Variants in MEI4 observed in about 807,000 individuals in gnomAD.
MEI4 encodes meiotic double-stranded break formation protein 4.
MEI4 carries 27 observed loss-of-function variants against 31.4 expected under a neutral mutation model. The ratio of observed to expected loss-of-function variants is 0.86; its 90% CI spans 0.63 to 1.19. MEI4 has a LOEUF of 1.19. Ranked by LOEUF, MEI4 falls within the 50% of genes most tolerant of loss-of-function variation. MEI4 has a pLI of 0.00. For synonymous variants in MEI4, 122 were observed against 145.4 expected, an observed-to-expected ratio of 0.84 and a Z score of 1.16; for missense variants, 329 against 398.9, an observed-to-expected ratio of 0.82 and a Z score of 1.49.
intron 4 of MEI4, among the ~76,000 whole-genome samples, chr6:77,903,140 C>A: frequency 6.6e-6 from 1 of 152,110 alleles, no homozygotes. Flanking sequence ...CTTTTATTTC[C>A]TTTTTTTCTT....
chr6:77,669,589 T>C (rs1768700579), intron 1 of MEI4, among the ~76,000 whole-genome samples: 1 of 150,678 alleles, frequency 6.6e-6, no homozygotes, highest in Non-Finnish European at 1.5e-5. Flanking sequence ...TCTTAACTGC[T>C]GAGTAAAAGA....
intron 1 of MEI4, among the ~76,000 whole-genome samples, chr6:77,665,840 G>GAAA (rs1248421705): frequency 9.8e-5 from 15 of 152,310 alleles, no homozygotes; most frequent in Admixed American, 2.6e-4. Flanking sequence ...AGAGTAAGAA[G>GAAA]AGGTCGCTTA....
At chr6:77,869,358 A>T (rs570185585) in intron 4 of MEI4, among the ~76,000 whole-genome samples, 1 of 152,276 alleles carries the variant, frequency 6.6e-6, no homozygotes, top group African/African-American at 2.4e-5. Context: ...GAATGTGATC[A>T]TATTTAGAAA....
chr6:77,653,067 TC>T lies in MEI4; in HGVS notation c.-39del, dbSNP rs1243831199. On this transcript the variant is annotated 5_prime_UTR_variant, in exon 1 of 5. Coordinates refer to ENST00000684080, the MANE Select transcript of MEI4 (RefSeq NM_001322247.2). ...GAGGCGTTCTCTTGCCCTGTTATCA[TC>T]TCATTTCTGCTTCTCTGTTTACTGG... is the stretch of plus-strand genomic sequence containing the variant. Among the ~76,000 whole-genome samples, 1 of 152,176 alleles carries T rather than the reference TC, an allele frequency of 6.6e-6. No individual in the cohort carries two copies. The highest frequency in any genetic ancestry group is 2.4e-5 in the African/African-American group (1 of 41,432).
At chr6:77,908,103 A>G (rs906255656) in intron 4 of MEI4, among the ~76,000 whole-genome samples, 1 of 150,422 alleles carries the variant, frequency 6.6e-6, no homozygotes, top group Non-Finnish European at 1.5e-5. Context: ...TAAGTTTCCT[A>G]TTCACTCTGA....
intron 2 of MEI4, among the ~76,000 whole-genome samples, chr6:77,749,571 A>C (rs562139100): frequency 1.3e-5 from 2 of 152,306 alleles, no homozygotes; most frequent in African/African-American, 4.8e-5. Flanking sequence ...ATTAGAGAAA[A>C]AAGAATGAAA....
chr6:77,686,347 G>A lies in MEI4; in HGVS notation c.-14-4311G>A, dbSNP rs79745440. ...ATGGTGAAGGGTTGCTTTTATTTTG[G>A]TCAGTAAGTCTGTCTTTTCTCTTCT... On this transcript the variant is annotated intron_variant, in intron 1 of 4. Coordinates refer to ENST00000684080, the MANE Select transcript of MEI4 (RefSeq NM_001322247.2). Among the ~76,000 whole-genome samples the A allele has an allele frequency of 6.1e-3, 922 of 152,106 alleles. 7 individuals are homozygous for A. Among genetic ancestry groups the A allele is most frequent in the African/African-American group, 0.02 (835 of 41,502 alleles).
chr6:77,666,811 C>T (rs996162495), intron 1 of MEI4, among the ~76,000 whole-genome samples: 6 of 151,974 alleles, frequency 3.9e-5, no homozygotes, highest in African/African-American at 1.2e-4. Flanking sequence ...GAAAACACAA[C>T]TCCTTTATCT....
chr6:77,784,516 GTCTATGAACATGAGAC>G (rs1407559222), intron 3 of MEI4, among the ~76,000 whole-genome samples: 1 of 152,114 alleles, frequency 6.6e-6, no homozygotes, highest in Admixed American at 6.6e-5. Context: ...TGCATTTCAA[GTCTATGAACATGAGAC>G]TTCATTCCTT....
At chr6:77,660,735 AG>A (rs899832235) in intron 1 of MEI4, among the ~76,000 whole-genome samples, 4 of 152,134 alleles carry the variant, frequency 2.6e-5, no homozygotes, top group African/African-American at 9.7e-5. Context: ...AACTTCCAGG[AG>A]GAAGAGGAGG....
At chr6:77,911,249 A>G (rs1005088781) in intron 4 of MEI4, among the ~76,000 whole-genome samples, 3 of 152,060 alleles carry the variant, frequency 2.0e-5, no homozygotes, top group African/African-American at 7.2e-5. Flanking sequence ...TTCCTTTGCT[A>G]TGCAGAATCT....
chr6:77,835,388 A>G (rs1770190833), intron 4 of MEI4, among the ~76,000 whole-genome samples: 2 of 136,464 alleles, frequency 1.5e-5, no homozygotes, highest in Admixed American at 1.5e-4. Context: ...ACACACACAC[A>G]CACACACACA....
intron 2 of MEI4, among the ~76,000 whole-genome samples, chr6:77,726,785 C>A (rs1766834159): frequency 6.6e-6 from 1 of 151,746 alleles, no homozygotes; most frequent in African/African-American, 2.4e-5. Flanking sequence ...GCTAGCAAGG[C>A]TAAAGGGTAA....
At chr6:77,810,754 C>T (rs1769558195) in intron 3 of MEI4, among the ~76,000 whole-genome samples, 1 of 152,060 alleles carries the variant, frequency 6.6e-6, no homozygotes, top group African/African-American at 2.4e-5. Context: ...ACAAAATATA[C>T]AAGGAAGTAT....
chr6:77,740,391 C>G (rs1188085567), intron 2 of MEI4, among the ~76,000 whole-genome samples: 1 of 152,130 alleles, frequency 6.6e-6, no homozygotes, highest in Admixed American at 6.5e-5. Flanking sequence ...AATGATCTGT[C>G]TAATACTGTC....
chr6:77,925,385 G>T lies in MEI4; in HGVS notation c.*2039G>T, dbSNP rs938260542. 5 of 151,698 alleles carry T rather than the reference G, an allele frequency of 3.3e-5. No individual in the cohort carries two copies. Among genetic ancestry groups the T allele is most frequent in the African/African-American group, 1.2e-4 (5 of 41,350 alleles). 9.4% of individuals were successfully genotyped at this position (151,698 alleles called of 1,614,324 possible). ...AAGTATATGATACTTTAATTATCCT[G>T]GGTTTCAGTCTATATCAGAGTGAAT... On this transcript the variant is annotated 3_prime_UTR_variant, in exon 5 of 5. Transcript: ENST00000684080.
intron 2 of MEI4, among the ~76,000 whole-genome samples, chr6:77,704,809 C>T (rs1160277253): frequency 6.6e-6 from 1 of 151,998 alleles, no homozygotes; most frequent in Non-Finnish European, 1.5e-5. Context: ...GATTCAAACA[C>T]CCAAGTGTAG....
intron 4 of MEI4, among the ~76,000 whole-genome samples, chr6:77,866,599 A>T (rs1337905056): frequency 2.6e-5 from 4 of 152,242 alleles, no homozygotes; most frequent in African/African-American, 9.6e-5. Flanking sequence ...ATGGAAAAAC[A>T]TTCCATGCTC....
intron 4 of MEI4, among the ~76,000 whole-genome samples, chr6:77,865,337 C>A (rs1770994337): frequency 6.6e-6 from 1 of 151,732 alleles, no homozygotes; most frequent in Admixed American, 6.6e-5. Context: ...GCTAGCAAGA[C>A]CAATAAAGAA....
Sources: gnomAD v4.1 joint callset for allele counts (sites outside exome capture counted in the v4.1 genomes callset) on GRCh38, gnomAD v4.1.1 for gene constraint, MANE v1.5 for transcripts, NCBI Gene and HGNC (gene_info 2026-07-23, HGNC 2026-07-21) for gene names.